DOP1A: variants seen among roughly 807,000 people sequenced by gnomAD.
DOP1A encodes DOP1 leucine zipper like protein A.
DOP1A carries 90 observed loss-of-function variants against 267.6 expected under a neutral mutation model. The observed-to-expected ratio is 0.34, with a 90% CI of 0.28 to 0.40. DOP1A has a LOEUF of 0.40. DOP1A is among the 10% of genes least tolerant of loss of function. The pLI, the probability that DOP1A is intolerant of heterozygous loss-of-function variation, is 1.00. For synonymous variants in DOP1A, 932 were observed against 999.1 expected (o/e 0.93, Z 1.27); for missense variants, 2,437 against 2,900.4 (o/e 0.84, Z 3.67).
At chr6:83,117,295 C>T (rs1368598656) in intron 7 of DOP1A, among the ~76,000 whole-genome samples, 2 of 151,796 alleles carry the variant, frequency 1.3e-5, no homozygotes, top group East Asian at 1.9e-4. Flanking sequence ...GGACTACAGG[C>T]GCCAACCACC....
intron 7 of DOP1A, among the ~76,000 whole-genome samples, chr6:83,114,628 T>A (rs996265448): frequency 1.3e-5 from 2 of 152,192 alleles, no homozygotes; most frequent in African/African-American, 2.4e-5. Context: ...AGGCCCTCAA[T>A]TGACAGATGT....
In DOP1A at chr6:83,129,238, C is replaced by G; in HGVS notation, c.2071C>G (p.Leu691Val). 1.2e-6 allele frequency: 2 copies of G among 1,613,526 alleles called. No individual in the cohort carries two copies. Among genetic ancestry groups the G allele is most frequent in the Non-Finnish European group, 1.7e-6 (2 of 1,179,800 alleles). ...VQQFLTRLIN[L>V]YIIQNNSFSQ... ...ACAGTTTCTTACCAGACTTATCAAC[C>G]TCTACATCATTCAGAATAACTCTTT... The change falls in exon 16 of 39, where the codon CTC becomes GTC. Residue 691 changes from leucine (L) to valine (V), a missense_variant. Transcript: ENST00000349129.
chr6:83,098,818 T>C (rs1771977346), intron 3 of DOP1A, among the ~76,000 whole-genome samples: 1 of 152,142 alleles, frequency 6.6e-6, no homozygotes, highest in Non-Finnish European at 1.5e-5. Flanking sequence ...TGTAGAAATG[T>C]GATAGGAAAG....
intron 26 of DOP1A, among the ~76,000 whole-genome samples, chr6:83,147,527 T>C (rs1039291308): frequency 6.6e-6 from 1 of 152,204 alleles, no homozygotes; most frequent in Non-Finnish European, 1.5e-5. Context: ...ATATTGCCAC[T>C]GAATCCATTA....
At position 83,122,066 on chromosome 6, in the gene DOP1A, A is replaced by G. The variant is rs1315641895; in HGVS notation, c.1220+16A>G. 1 of 1,607,394 alleles carries G rather than the reference A, an allele frequency of 6.2e-7. No homozygotes were observed. Among genetic ancestry groups the G allele is most frequent in the East Asian group, 2.2e-5 (1 of 44,708 alleles). ...AGTTAAGCAGGTGGATTATCAAAAA[A>G]TTAAATGTGACATGAAGACATAATA... is the stretch of plus-strand genomic sequence containing the variant. On this transcript the variant is annotated intron_variant, in intron 11 of 38. Coordinates refer to ENST00000349129, the MANE Select transcript of DOP1A (RefSeq NM_015018.4).
chr6:83,091,279 G>A (rs1770346002), intron 1 of DOP1A, among the ~76,000 whole-genome samples: 2 of 152,102 alleles, frequency 1.3e-5, no homozygotes, highest in South Asian at 4.1e-4. Flanking sequence ...TGGGGACACA[G>A]CCAAACCATA....
At chr6:83,111,318 T>C (rs954225589) in intron 6 of DOP1A, among the ~76,000 whole-genome samples, 1 of 151,866 alleles carries the variant, frequency 6.6e-6, no homozygotes, top group Non-Finnish European at 1.5e-5. Flanking sequence ...GTGTTAAAAA[T>C]AATGCTCTAT....
chr6:83,081,718 C>T (rs1255006225), intron 1 of DOP1A, among the ~76,000 whole-genome samples: 2 of 152,072 alleles, frequency 1.3e-5, no homozygotes, highest in African/African-American at 4.8e-5. Flanking sequence ...AGCTTCTGCA[C>T]AGCAAAGGAA....
chr6:83,167,871 G>A lies in DOP1A; in HGVS notation c.7102G>A (p.Glu2368Lys), dbSNP rs145013954. 5 of 1,605,928 alleles carry A rather than the reference G, an allele frequency of 3.1e-6. No individual in the cohort carries two copies. Among genetic ancestry groups the A allele is most frequent in the Non-Finnish European group, 2.6e-6 (3 of 1,175,068 alleles). The change falls in exon 39 of 39, where the codon GAG becomes AAG. Residue 2368 changes from glutamate (E) to lysine (K), a missense_variant. Glu to Lys is a moderately conservative substitution (Grantham distance 56). Coordinates refer to ENST00000349129, the MANE Select transcript of DOP1A (RefSeq NM_015018.4). ...TTTTTGTTTTCTGCAGAAAAATCCA[G>A]AGGAAGACAACTCAGGGAGAACATT... ...LLRKRAKKNP[E>K]EDNSGRTLGW...
At chr6:83,100,949 T>G in intron 4 of DOP1A, 63 bp downstream of exon 4, 2 of 1,117,706 alleles carry the variant, frequency 1.8e-6, no homozygotes, top group Non-Finnish European at 2.3e-6. Flanking sequence ...TAAACTATTT[T>G]ATACTTTCTG....
At position 83,140,095 on chromosome 6, in the gene DOP1A, C is replaced by T. The variant is rs759072647; in HGVS notation, c.5216C>T (p.Thr1739Ile). The change falls in exon 22 of 39, where the codon ACT becomes ATT. Residue 1739 changes from threonine to isoleucine, a missense_variant. This residue lies in a region of DOP1A where 307 missense variants were observed against 308.6 expected (regional missense o/e 0.99). Coordinates refer to ENST00000349129, the MANE Select transcript of DOP1A (RefSeq NM_015018.4). ...ATCCATTACTGTTTGTTGGATCCAA[C>T]TACACAGTATCACCAAGTAAGACTG... ...AIIHYCLLDP[T>I]TQYHQLLVSV... The T allele has an allele frequency of 6.2e-7, 1 of 1,612,774 alleles. No individual in the cohort carries two copies. The highest frequency in any genetic ancestry group is 1.1e-5 in the South Asian group (1 of 91,048).
At chr6:83,120,878 A>G (rs1776260162) in intron 10 of DOP1A, 87 bp downstream of exon 10, 1 of 1,048,524 alleles carries the variant, frequency 9.5e-7, no homozygotes, top group Admixed American at 2.6e-5. Flanking sequence ...GGAAATTGTT[A>G]TATTTTGAGG....
Position 83,089,195 on chromosome 6 carries a change from A to G in DOP1A, c.-146-7536A>G, listed in dbSNP as rs537619728. On this transcript the variant is annotated intron_variant, in intron 1 of 38. Coordinates refer to ENST00000349129, the MANE Select transcript of DOP1A (RefSeq NM_015018.4). The stretch of plus-strand genomic sequence containing the variant: ...CAGCTAGTGATAAGCAAACTAGCCA[A>G]AGTATCTTTGTGTTGTTATTCTGAA... 1.2e-4 allele frequency among the ~76,000 whole-genome samples: 18 copies of G among 152,334 alleles called. No homozygotes were observed. In the East Asian group the frequency reaches 2.1e-3, roughly 18 times the overall value.
At chr6:83,148,152 G>A (rs375502333) in intron 26 of DOP1A, among the ~76,000 whole-genome samples, 4 of 152,098 alleles carry the variant, frequency 2.6e-5, no homozygotes, top group South Asian at 2.1e-4. Context: ...GGTGACTCTC[G>A]CCTGTAATCT....
chr6:83,163,366 A>ATT (rs915891610), intron 38 of DOP1A, among the ~76,000 whole-genome samples: 3 of 152,118 alleles, frequency 2.0e-5, no homozygotes, highest in African/African-American at 7.2e-5. Context: ...TACAAAAGGG[A>ATT]TTTTTAGAAC....
Position 83,137,619 on chromosome 6 carries a change from A to G in DOP1A, c.3577A>G (p.Thr1193Ala), listed in dbSNP as rs951035632. 6.2e-7 allele frequency: 1 copy of G among 1,613,828 alleles called. No individual in the cohort carries two copies. The highest frequency in any genetic ancestry group is 8.5e-7 in the Non-Finnish European group (1 of 1,179,842). The change falls in exon 21 of 39, where the codon ACG becomes GCG. Residue 1193 changes from threonine (T) to alanine (A), a missense_variant. Around this residue, in one of 9 missense-constraint regions of DOP1A, gnomAD observed 878 missense variants for 992.9 expected, o/e 0.88. Transcript: ENST00000349129. ...KCSDIDPDEE[T>A]IKIEDDSIQQ... is the part of the protein sequence containing the mutation. ...CAGTGATATAGATCCAGATGAAGAG[A>G]CGATTAAAATTGAAGATGACTCCAT... is the stretch of plus-strand genomic sequence containing the variant.
At chr6:83,165,008 C>A in intron 38 of DOP1A, 1 of 307,048 alleles carries the variant, frequency 3.3e-6, no homozygotes, top group Non-Finnish European at 6.0e-6. Context: ...AAAGGCTCAT[C>A]TTGATAGGAA....
intron 1 of DOP1A, among the ~76,000 whole-genome samples, chr6:83,081,741 G>A (rs974148455): frequency 6.6e-6 from 1 of 152,160 alleles, no homozygotes; most frequent in South Asian, 2.1e-4. Flanking sequence ...AATTAGCAGA[G>A]TAAAGAGACA....
intron 35 of DOP1A, among the ~76,000 whole-genome samples, chr6:83,158,092 G>A (rs1044037623): frequency 2.6e-5 from 4 of 151,782 alleles, no homozygotes; most frequent in South Asian, 4.2e-4. Flanking sequence ...TCTGCCTCCC[G>A]GGTTCAGGCC....
Sources: gnomAD v4.1 joint callset for allele counts (sites outside exome capture counted in the v4.1 genomes callset) on GRCh38, gnomAD v4.1.1 for gene constraint, gnomAD v4.1.1 regional missense constraint, MANE v1.5 for transcripts, NCBI Gene and HGNC (gene_info 2026-07-23, HGNC 2026-07-21) for gene names.